HPSE2: variants seen among roughly 807,000 people sequenced by gnomAD.
HPSE2 encodes heparanase 2 (inactive), also known as inactive heparanase-2.
In HPSE2, 38 loss-of-function variants were observed where a neutral mutation model predicts 60.5. The ratio of observed to expected loss-of-function variants is 0.63; its 90% CI spans 0.48 to 0.82. HPSE2 has a LOEUF of 0.82. Among genes scored for constraint, HPSE2 ranks in the 40% least tolerant of loss-of-function variants. HPSE2 has a pLI of 0.00. For synonymous variants in HPSE2, 295 were observed against 293.2 expected, an observed-to-expected ratio of 1.01 and a Z score of -0.06; for missense variants, 713 against 740.4, an observed-to-expected ratio of 0.96 and a Z score of 0.43.
At chr10:98,942,755 C>A (rs914123315) in intron 3 of HPSE2, among the ~76,000 whole-genome samples, 1 of 152,096 alleles carries the variant, frequency 6.6e-6, no homozygotes, top group Non-Finnish European at 1.5e-5. Flanking sequence ...GACTATAAAT[C>A]ATGCTGCTAT....
At chr10:98,767,274 C>T (rs1223447893) in intron 3 of HPSE2, among the ~76,000 whole-genome samples, 2 of 151,890 alleles carry the variant, frequency 1.3e-5, no homozygotes, top group Admixed American at 6.6e-5. Context: ...CCTAAATGTC[C>T]ATCTATAAGA....
intron 2 of HPSE2, among the ~76,000 whole-genome samples, chr10:99,152,442 A>G (rs1482157857): frequency 6.6e-6 from 1 of 152,194 alleles, no homozygotes; most frequent in Non-Finnish European, 1.5e-5. Context: ...GGAAGAAATG[A>G]AATACACTAG....
At chr10:98,888,698 A>G (rs1190583751) in intron 3 of HPSE2, among the ~76,000 whole-genome samples, 3 of 152,228 alleles carry the variant, frequency 2.0e-5, no homozygotes, top group Middle Eastern at 3.2e-3. Context: ...TGAAAAACAC[A>G]TAATTCATTT....
chr10:98,533,317 G>T (rs1311067675), intron 9 of HPSE2, among the ~76,000 whole-genome samples: 1 of 152,224 alleles, frequency 6.6e-6, no homozygotes, highest in Non-Finnish European at 1.5e-5. Flanking sequence ...GCTTTTGGAG[G>T]TGTTTATGGA....
At position 99,169,504 on chromosome 10, in the gene HPSE2, C is replaced by CAAA. The variant is rs562946052; in HGVS notation, c.449-25108_449-25106dup. Among the ~76,000 whole-genome samples the CAAA allele has an allele frequency of 2.2e-4, 12 of 54,722 alleles. 1 individual carries two copies. Among genetic ancestry groups the CAAA allele is most frequent in the African/African-American group, 3.7e-4 (6 of 16,338 alleles). 35.9% of individuals were successfully genotyped at this position (54,722 alleles called of 152,430 possible). ...TGGGTGACAGAGCAAGACTCCGTCT[C>CAAA]AAAAAAAAAAAAAAAAAAAAAAAAA... On this transcript the variant is annotated intron_variant, in intron 2 of 11. Coordinates refer to ENST00000370552, the MANE Select transcript of HPSE2 (RefSeq NM_021828.5).
intron 3 of HPSE2, among the ~76,000 whole-genome samples, chr10:98,819,998 C>A (rs1020039381): frequency 6.6e-6 from 1 of 152,144 alleles, no homozygotes; most frequent in African/African-American, 2.4e-5. Flanking sequence ...TGACTTCCAT[C>A]CTCACAGAAT....
intron 3 of HPSE2, among the ~76,000 whole-genome samples, chr10:99,041,811 C>T (rs1388880208): frequency 6.6e-6 from 1 of 152,044 alleles, no homozygotes; most frequent in Non-Finnish European, 1.5e-5. Flanking sequence ...CAGAGATAAC[C>T]GACAGGCCCG....
intron 3 of HPSE2, among the ~76,000 whole-genome samples, chr10:99,119,096 AGAGGGAGG>A (rs1191415379): frequency 3.4e-5 from 4 of 117,860 alleles, no homozygotes; most frequent in Non-Finnish European, 5.2e-5. Flanking sequence ...AAAGAGAGAG[AGAGGGAGG>A]GAGGGAGGGA....
At chr10:98,604,113 G>A (rs571319) in intron 9 of HPSE2, among the ~76,000 whole-genome samples, 12,566 of 152,002 alleles carry the variant, frequency 0.083, 784 homozygotes, top group African/African-American at 0.18. Flanking sequence ...AAATTACAAG[G>A]CACACTTAAA....
intron 3 of HPSE2, chr10:99,047,878 C>G: frequency 3.9e-6 from 3 of 767,234 alleles, no homozygotes; most frequent in Non-Finnish European, 7.1e-6. Flanking sequence ...AAGCTGGCAA[C>G]TTTAATGTAC....
At chr10:99,292,612 A>T in the HPSE2 span, among the ~76,000 whole-genome samples, 130,115 of 152,190 alleles carry the variant, frequency 0.85, 55,977 homozygotes, top group African/African-American at 0.92. Context: ...TTTAAAATTC[A>T]CTAACAGCTA....
intron 2 of HPSE2, among the ~76,000 whole-genome samples, chr10:99,159,389 G>A (rs2133764027): frequency 6.6e-6 from 1 of 152,238 alleles, no homozygotes; most frequent in Middle Eastern, 3.4e-3. Flanking sequence ...GGTTGTATGA[G>A]GTAGTTGCTT....
At chr10:98,917,432 C>T (rs916147073) in intron 3 of HPSE2, among the ~76,000 whole-genome samples, 1 of 152,120 alleles carries the variant, frequency 6.6e-6, no homozygotes. Flanking sequence ...GCAATCATCA[C>T]GTGAGTGGGT....
intron 9 of HPSE2, among the ~76,000 whole-genome samples, chr10:98,603,269 A>G (rs1945479330): frequency 6.6e-6 from 1 of 152,086 alleles, no homozygotes; most frequent in African/African-American, 2.4e-5. Flanking sequence ...GAGAGTTTGC[A>G]ACTCCCGGAG....
chr10:98,673,998 G>A (rs955066313), intron 6 of HPSE2, among the ~76,000 whole-genome samples: 3 of 152,190 alleles, frequency 2.0e-5, no homozygotes, highest in Non-Finnish European at 1.5e-5. Flanking sequence ...CTACTCAGTA[G>A]GTCCAGATTG....
intron 3 of HPSE2, among the ~76,000 whole-genome samples, chr10:98,985,719 C>T (rs1956326150): frequency 6.6e-6 from 1 of 151,998 alleles, no homozygotes. Context: ...GAGTAAACAC[C>T]CATCAGTGTG....
chr10:99,190,986 G>T (rs769843231), intron 2 of HPSE2, among the ~76,000 whole-genome samples: 57 of 152,180 alleles, frequency 3.7e-4, no homozygotes, highest in Non-Finnish European at 7.2e-4. Context: ...CAGTAGCCAG[G>T]CAGTACTCAC....
chr10:98,926,266 G>A (rs1024158150), intron 3 of HPSE2, among the ~76,000 whole-genome samples: 1 of 152,134 alleles, frequency 6.6e-6, no homozygotes. Flanking sequence ...TGCTGAACCA[G>A]TGGGAGGAGG....
Position 99,184,811 on chromosome 10 carries a change from TATATATATAGAGAGAGAGAGAG to T in HPSE2, c.449-40434_449-40413del, listed in dbSNP as rs1224031307. On this transcript the variant is annotated intron_variant, in intron 2 of 11. Coordinates refer to ENST00000370552, the MANE Select transcript of HPSE2 (RefSeq NM_021828.5). Reference sequence around the variant, plus strand: ...TTATATATATATATATATATATATATATATATATAGAGAGAGAGAGAGAGAGAGAGAGAGAGAGAGAGAGAGA... The same window carrying T: ...TTATATATATATATATATATATATATAGAGAGAGAGAGAGAGAGAGAGAGA... Among the ~76,000 whole-genome samples, 29 of 37,884 alleles carry T rather than the reference TATATATATAGAGAGAGAGAGAG, an allele frequency of 7.7e-4. 1 individual carries two copies. The highest frequency in any genetic ancestry group is 3.8e-3 in the East Asian group (5 of 1,314). The allele number at this position is 37,884 out of a possible 152,430, so 24.9% of individuals were successfully genotyped here.
Sources: allele counts gnomAD v4.1 joint callset (sites outside exome capture counted in the v4.1 genomes callset), GRCh38; gene constraint gnomAD v4.1.1; transcripts MANE v1.5; gene names NCBI Gene and HGNC (gene_info 2026-07-23, HGNC 2026-07-21).